The following MVB12B variants were observed in gnomAD, a reference collection of about 807,000 sequenced individuals.
MVB12B encodes the protein multivesicular body subunit 12B.
In MVB12B, 16 loss-of-function variants were observed where a neutral mutation model predicts 41.6. That is an observed-to-expected ratio of 0.38 (90% CI 0.26 to 0.58). The LOEUF is 0.58. MVB12B is among the 20% of genes least tolerant of loss of function. The probability of loss-of-function intolerance (pLI) is 0.62; values close to 1 mark genes in which losing one functional copy is unlikely to be tolerated. For missense variants in MVB12B, 274 were observed against 380.2 expected (o/e 0.72, Z 2.32); for synonymous variants, 133 against 139.7 (o/e 0.95, Z 0.34).
In MVB12B at chr9:126,392,188, T is replaced by G. The variant is rs761447220; in HGVS notation, c.532T>G (p.Phe178Val). ...CAAGCAGGCCCCGCCTCAGTACACGTTTATTGGGTGAGTCTTAATAACAGG... is the reference window on the plus strand; with the variant it reads ...CAAGCAGGCCCCGCCTCAGTACACGGTTATTGGGTGAGTCTTAATAACAGG... ...RTKQAPPQYT[F>V]IGELNSMGIW... is the part of the protein sequence containing the mutation. Residue 178 changes from phenylalanine (F) to valine (V), a missense_variant, in exon 5 of 10, where the codon TTT becomes GTT. Phe to Val is a conservative substitution (Grantham distance 50, BLOSUM62 -1). Coordinates refer to ENST00000361171, the MANE Select transcript of MVB12B (RefSeq NM_033446.3). The surrounding 1 kb of genome is among the most constrained non-coding windows in gnomAD (Gnocchi z 4.8). 6.2e-7 allele frequency: 1 copy of G among 1,613,930 alleles called. No homozygotes were observed. The highest frequency in any genetic ancestry group is 8.5e-7 in the Non-Finnish European group (1 of 1,179,964).
At chr9:126,452,533 G>A (rs1396432937) in intron 7 of MVB12B, among the ~76,000 whole-genome samples, 6 of 152,328 alleles carry the variant, frequency 3.9e-5, no homozygotes, top group Admixed American at 6.5e-5. Flanking sequence ...GCCTCAGGTC[G>A]TTTGGCCAGA....
In MVB12B at chr9:126,376,635, G is replaced by A. The variant is rs535308786; in HGVS notation, c.205-4429G>A. 1.3e-4 allele frequency: 172 copies of A among 1,289,230 alleles called. No homozygotes were observed. The South Asian group carries it at 1.7e-3, about 13-fold the overall frequency. 79.9% of individuals were successfully genotyped at this position (1,289,230 alleles called of 1,614,324 possible). On this transcript the variant is annotated intron_variant, in intron 2 of 9. Transcript: ENST00000361171. This position sits in a 1 kb window ranked among gnomAD's most constrained non-coding sequence, Gnocchi z 4.1. ...GCTGGAAGCAAGAAGGAGGGTAAGC[G>A]CGGGTGGCAGGGAGGGGCCTGCCAT... is the stretch of plus-strand genomic sequence containing the variant.
At chr9:126,356,407 G>A (rs1402220895) in intron 2 of MVB12B, among the ~76,000 whole-genome samples, 3 of 152,026 alleles carry the variant, frequency 2.0e-5, no homozygotes, top group African/African-American at 2.4e-5. Flanking sequence ...GTTATTGTAC[G>A]TACGTGTTTG....
intron 9 of MVB12B, among the ~76,000 whole-genome samples, chr9:126,494,827 G>A (rs1215824982): frequency 1.3e-5 from 2 of 151,944 alleles, no homozygotes; most frequent in Non-Finnish European, 2.9e-5. Context: ...TGGTATTCAG[G>A]TGAATTCTAA....
At chr9:126,342,278 G>A (rs1465610440) in intron 2 of MVB12B, among the ~76,000 whole-genome samples, 4 of 152,188 alleles carry the variant, frequency 2.6e-5, no homozygotes, top group Non-Finnish European at 4.4e-5. Flanking sequence ...TTGAGCCCAA[G>A]GCAGGGGTCT....
In MVB12B at chr9:126,503,357, C is replaced by T; in HGVS notation, c.*94C>T. On this transcript the variant is annotated 3_prime_UTR_variant, in exon 10 of 10. Coordinates refer to ENST00000361171, the MANE Select transcript of MVB12B (RefSeq NM_033446.3). ...GCCTCCTCCTGCCGCCTCCGCCAGC[C>T]CTCCCTCCCACACTGCCCCAGCAGG... The T allele has an allele frequency of 9.6e-7, 1 of 1,042,776 alleles. No individual in the cohort carries two copies. The highest frequency in any genetic ancestry group is 1.4e-6 in the Non-Finnish European group (1 of 711,304). The allele number at this position is 1,042,776 out of a possible 1,614,324, so 64.6% of individuals were successfully genotyped here. A position where few individuals can be genotyped will look rare whatever the true frequency, so the allele number is the denominator to read the frequency against.
rs1834073942 is a variant in MVB12B, at chr9:126,506,464, A to G, written c.*3201A>G. The G allele has an allele frequency of 6.6e-6, 1 of 152,300 alleles. No homozygotes were observed. Among genetic ancestry groups the G allele is most frequent in the South Asian group, 2.1e-4 (1 of 4,832 alleles). The allele number at this position is 152,300 out of a possible 1,614,324, so 9.4% of individuals were successfully genotyped here. Reference sequence around the variant, plus strand: ...TCCAGTTACGGACTTCCCGGCCGCCACTGGGCCCTGCCGGTCACCAGGCCA... The same window carrying G: ...TCCAGTTACGGACTTCCCGGCCGCCGCTGGGCCCTGCCGGTCACCAGGCCA... On this transcript the variant is annotated 3_prime_UTR_variant, in exon 10 of 10. Transcript: ENST00000361171.
At chr9:126,462,342 C>T (rs767183758) in intron 7 of MVB12B, among the ~76,000 whole-genome samples, 6 of 152,242 alleles carry the variant, frequency 3.9e-5, no homozygotes, top group Non-Finnish European at 7.4e-5. Context: ...GGGAGATAGC[C>T]GAAGTGTCAC....
rs1018072862 is a variant in MVB12B, at chr9:126,505,002, G to A, written c.*1739G>A. ...GCACCTATGTCTGCCGTGGCTCCTC[G>A]GGTGGTGCCCTGTGTGACAAAGCCC... On this transcript the variant is annotated 3_prime_UTR_variant, in exon 10 of 10. Coordinates refer to ENST00000361171, the MANE Select transcript of MVB12B (RefSeq NM_033446.3). The A allele has an allele frequency of 1.3e-5, 2 of 152,258 alleles. No individual in the cohort carries two copies. The highest frequency in any genetic ancestry group is 2.4e-5 in the African/African-American group (1 of 41,438). 9.4% of individuals were successfully genotyped at this position (152,258 alleles called of 1,614,324 possible).
At chr9:126,476,011 G>A (rs955530908) in intron 7 of MVB12B, among the ~76,000 whole-genome samples, 33 of 152,322 alleles carry the variant, frequency 2.2e-4, no homozygotes, top group African/African-American at 7.7e-4. Context: ...GTTAGGATTA[G>A]GTCAGAGCAG....
intron 6 of MVB12B, among the ~76,000 whole-genome samples, chr9:126,413,849 T>TGTGTGTGTGTGCGTGC (rs1554776184): frequency 1.3e-5 from 2 of 148,628 alleles, no homozygotes; most frequent in South Asian, 4.3e-4. Flanking sequence ...TGTGTGTGTG[T>TGTGTGTGTGTGCGTGC]GTGTATAAGG....
intron 9 of MVB12B, among the ~76,000 whole-genome samples, chr9:126,498,990 G>A (rs1190805942): frequency 6.6e-6 from 1 of 152,220 alleles, no homozygotes; most frequent in Non-Finnish European, 1.5e-5. Context: ...AAAGCCTTTG[G>A]TTCTGATGCA....
chr9:126,459,846 C>A lies in MVB12B; in HGVS notation c.758-21523C>A, dbSNP rs1346954455. 1.3e-5 allele frequency among the ~76,000 whole-genome samples: 2 copies of A among 152,218 alleles called. No individual in the cohort carries two copies. The highest frequency in any genetic ancestry group is 1.3e-4 in the Admixed American group (2 of 15,286). The stretch of plus-strand genomic sequence containing the variant: ...GTCAGAATCGCCAGCTTCAGCCCAC[C>A]CATCTCGAGGGAGAGAAAGGGCTCC... On this transcript the variant is annotated intron_variant, in intron 7 of 9. Coordinates refer to ENST00000361171, the MANE Select transcript of MVB12B (RefSeq NM_033446.3). The surrounding 1 kb of genome is among the most constrained non-coding windows in gnomAD (Gnocchi z 4.3).
intron 7 of MVB12B, among the ~76,000 whole-genome samples, chr9:126,445,022 T>C (rs1832730658): frequency 6.6e-6 from 1 of 152,344 alleles, no homozygotes; most frequent in Middle Eastern, 3.4e-3. Context: ...TTTCAGAATG[T>C]TCCAGGTAAT....
intron 6 of MVB12B, chr9:126,397,065 T>A: frequency 1.0e-5 from 10 of 985,520 alleles, no homozygotes; most frequent in Non-Finnish European, 1.1e-5. Context: ...GTCGGGGTCC[T>A]CCATCACCTG....
At chr9:126,463,091 T>C in intron 7 of MVB12B, among the ~76,000 whole-genome samples, 1 of 152,196 alleles carries the variant, frequency 6.6e-6, no homozygotes, top group Non-Finnish European at 1.5e-5. Flanking sequence ...TGCGGGCTGG[T>C]CCATTGGAGC....
intron 6 of MVB12B, among the ~76,000 whole-genome samples, chr9:126,411,877 A>G (rs913174869): frequency 6.6e-6 from 1 of 152,264 alleles, no homozygotes; most frequent in Non-Finnish European, 1.5e-5. Flanking sequence ...ATCGTAATTC[A>G]GAGCCTCACT....
chr9:126,476,490 T>C (rs1228286447), intron 7 of MVB12B, among the ~76,000 whole-genome samples: 1 of 152,226 alleles, frequency 6.6e-6, no homozygotes, highest in East Asian at 1.9e-4. Flanking sequence ...GGGAGGGCCT[T>C]GTCCTAATCA....
At chr9:126,347,258 GC>G (rs1362206023) in intron 2 of MVB12B, among the ~76,000 whole-genome samples, 1 of 152,216 alleles carries the variant, frequency 6.6e-6, no homozygotes, top group African/African-American at 2.4e-5. Flanking sequence ...GCCCTGTCCT[GC>G]CCCTGCACGC....
Sources: gnomAD v4.1 joint callset for allele counts (sites outside exome capture counted in the v4.1 genomes callset) on GRCh38, gnomAD v4.1.1 for gene constraint, Gnocchi (gnomAD v3.1) non-coding constraint, MANE v1.5 for transcripts, NCBI Gene and HGNC (gene_info 2026-07-23, HGNC 2026-07-21) for gene names.